DOCK3: variants seen among roughly 807,000 people sequenced by gnomAD.
DOCK3 encodes the protein dedicator of cytokinesis 3.
DOCK3 carries 60 observed loss-of-function variants against 265.6 expected under a neutral mutation model. The ratio of observed to expected loss-of-function variants is 0.23; its 90% CI spans 0.18 to 0.28. The LOEUF (loss-of-function observed/expected upper bound fraction) is 0.28, where lower values mean the gene tolerates loss of function less well. Ranked by LOEUF, DOCK3 falls within the 10% of genes least tolerant of loss-of-function variation. DOCK3 has a pLI of 1.00. For missense variants in DOCK3, 1,981 were observed against 2,594.3 expected, an observed-to-expected ratio of 0.76 and a Z score of 5.14; for synonymous variants, 881 against 938.0, an observed-to-expected ratio of 0.94 and a Z score of 1.11.
chr3:51,012,192 C>G (rs2078978973), intron 5 of DOCK3, among the ~76,000 whole-genome samples: 1 of 152,162 alleles, frequency 6.6e-6, no homozygotes, highest in Non-Finnish European at 1.5e-5. Context: ...TTTCTGCTGC[C>G]TTTTGTTCAG....
intron 1 of DOCK3, among the ~76,000 whole-genome samples, chr3:50,679,915 A>G (rs2034267685): frequency 6.6e-6 from 1 of 152,182 alleles, no homozygotes; most frequent in South Asian, 2.1e-4. Context: ...TGAGCTTTAC[A>G]CTATATCACC....
chr3:50,861,400 AT>A (rs2046903150), intron 3 of DOCK3, among the ~76,000 whole-genome samples: 1 of 152,130 alleles, frequency 6.6e-6, no homozygotes, highest in African/African-American at 2.4e-5. Context: ...AAAAAGGTAT[AT>A]TCTGTGGTAG....
At chr3:51,341,484 G>A in intron 38 of DOCK3, 99 bp downstream of exon 38, 1 of 1,530,402 alleles carries the variant, frequency 6.5e-7, no homozygotes, top group Non-Finnish European at 8.9e-7. Flanking sequence ...GGGGTAGTGT[G>A]TGGGGTGGTG....
intron 39 of DOCK3, among the ~76,000 whole-genome samples, chr3:51,349,440 G>A (rs1338296340): frequency 6.6e-6 from 1 of 152,200 alleles, no homozygotes; most frequent in Non-Finnish European, 1.5e-5. Flanking sequence ...GAATCATAAT[G>A]GCTGCTGATT....
intron 5 of DOCK3, among the ~76,000 whole-genome samples, chr3:50,953,687 G>A (rs988089158): frequency 9.2e-5 from 14 of 152,028 alleles, no homozygotes; most frequent in South Asian, 2.1e-4. Flanking sequence ...GTTAACGTTC[G>A]TCTGACTATT....
intron 5 of DOCK3, among the ~76,000 whole-genome samples, chr3:50,943,215 G>C (rs1206653054): frequency 6.6e-6 from 1 of 152,054 alleles, no homozygotes; most frequent in Non-Finnish European, 1.5e-5. Flanking sequence ...GGGTAAATGG[G>C]AATGGATGAA....
chr3:51,149,287 A>T (rs2107340168), intron 10 of DOCK3, among the ~76,000 whole-genome samples: 1 of 152,316 alleles, frequency 6.6e-6, no homozygotes, highest in African/African-American at 2.4e-5. Flanking sequence ...ATCTGCAAAC[A>T]GGGACAATTT....
chr3:50,893,933 G>A (rs1353667176), intron 4 of DOCK3, among the ~76,000 whole-genome samples: 1 of 144,874 alleles, frequency 6.9e-6, no homozygotes, highest in Non-Finnish European at 1.5e-5. Flanking sequence ...TGAGAACATT[G>A]GGACACAGGA....
rs111320037 is a variant in DOCK3 at position 51,023,766 on chromosome 3, T to C, written c.316-40682T>C. On this transcript the variant is annotated intron_variant, in intron 5 of 52. Coordinates refer to ENST00000266037, the MANE Select transcript of DOCK3 (RefSeq NM_004947.5). ...ATCTCCCTGGAAAATTTTTCATGCA[T>C]ATCCTTGACTGTTTTTTTAATTCAT... Among the ~76,000 whole-genome samples the C allele has an allele frequency of 3.7e-3, 556 of 152,314 alleles. 5 individuals carry two copies. Among genetic ancestry groups the C allele is most frequent in the African/African-American group, 0.013 (533 of 41,564 alleles).
chr3:50,716,723 G>A (rs2037137442), intron 1 of DOCK3, among the ~76,000 whole-genome samples: 1 of 151,520 alleles, frequency 6.6e-6, no homozygotes, highest in Admixed American at 6.6e-5. Context: ...ACCTAAATTA[G>A]GAATTTTAAT....
chr3:50,995,906 G>T (rs1421838325), intron 5 of DOCK3, among the ~76,000 whole-genome samples: 1 of 151,864 alleles, frequency 6.6e-6, no homozygotes, highest in African/African-American at 2.4e-5. Flanking sequence ...CTTTTTGGCG[G>T]GGGCGGAGGG....
chr3:50,736,737 C>A (rs893186976), intron 1 of DOCK3, among the ~76,000 whole-genome samples: 5 of 149,766 alleles, frequency 3.3e-5, no homozygotes, highest in African/African-American at 9.9e-5. Context: ...CATTCTGTCG[C>A]CCAGGCTGGA....
At chr3:51,142,533 T>C (rs2085110298) in intron 9 of DOCK3, among the ~76,000 whole-genome samples, 1 of 152,204 alleles carries the variant, frequency 6.6e-6, no homozygotes, top group South Asian at 2.1e-4. Flanking sequence ...AGTATAATGC[T>C]TTTGAGATTC....
intron 9 of DOCK3, among the ~76,000 whole-genome samples, chr3:51,111,289 G>T (rs188263702): frequency 4.6e-5 from 7 of 152,012 alleles, no homozygotes; most frequent in Admixed American, 3.9e-4. Flanking sequence ...GAGACATCAT[G>T]CTACTCTACT....
chr3:50,693,645 C>T (rs908642325), intron 1 of DOCK3, among the ~76,000 whole-genome samples: 8 of 146,952 alleles, frequency 5.4e-5, no homozygotes, highest in Admixed American at 4.8e-4. Context: ...AAGCCATTCT[C>T]ATGCCTCAGC....
chr3:51,258,710 G>T (rs28538683), intron 22 of DOCK3, among the ~76,000 whole-genome samples: 1 of 152,066 alleles, frequency 6.6e-6, no homozygotes, highest in African/African-American at 2.4e-5. Flanking sequence ...CTACCTATAA[G>T]GATTCCAGGG....
chr3:51,009,361 C>G (rs989838285), intron 5 of DOCK3, among the ~76,000 whole-genome samples: 1 of 151,972 alleles, frequency 6.6e-6, no homozygotes, highest in Non-Finnish European at 1.5e-5. Context: ...TGTATGTGTC[C>G]AGGAATTTAT....
At chr3:51,057,307 G>A (rs1430273853) in intron 5 of DOCK3, among the ~76,000 whole-genome samples, 36 of 152,308 alleles carry the variant, frequency 2.4e-4, no homozygotes. Flanking sequence ...TGACTCTTCA[G>A]TGTACTTTCC....
At chr3:51,294,794 TG>T (rs2081987130) in intron 27 of DOCK3, among the ~76,000 whole-genome samples, 2 of 151,800 alleles carry the variant, frequency 1.3e-5, no homozygotes, top group South Asian at 4.1e-4. Flanking sequence ...CATTGGTCAG[TG>T]GGTGCAAAGT....
Sources: allele counts gnomAD v4.1 joint callset (sites outside exome capture counted in the v4.1 genomes callset), GRCh38; gene constraint gnomAD v4.1.1; transcripts MANE v1.5; gene names NCBI Gene and HGNC (gene_info 2026-07-23, HGNC 2026-07-21).